Variants in CKAP5 observed in about 807,000 individuals in gnomAD.
CKAP5 encodes the protein cytoskeleton-associated protein 5.
Under a neutral mutation model 232.8 loss-of-function variants are expected in CKAP5, and 27 were observed. The ratio of observed to expected loss-of-function variants is 0.12; its 90% CI spans 0.09 to 0.16. The LOEUF is 0.16. CKAP5 is among the 10% of genes least tolerant of loss of function. The probability of loss-of-function intolerance (pLI) is 1.00; values close to 1 mark genes in which losing one functional copy is unlikely to be tolerated. For synonymous variants in CKAP5, 785 were observed against 841.1 expected (o/e 0.93, Z 1.16); for missense variants, 1,838 against 2,424.7 (o/e 0.76, Z 5.08).
chr11:46,823,593 C>G (rs1939591767), intron 1 of CKAP5, among the ~76,000 whole-genome samples: 1 of 152,056 alleles, frequency 6.6e-6, no homozygotes, highest in Admixed American at 6.5e-5. Context: ...TCCAATTTTT[C>G]TTTTTCATTT....
Position 46,754,984 on chromosome 11 carries a change from C to A in CKAP5, c.4773G>T (p.Gln1591His), listed in dbSNP as rs2065099259. 2 of 1,613,996 alleles carry A rather than the reference C, an allele frequency of 1.2e-6. No homozygotes were observed. The highest frequency in any genetic ancestry group is 8.5e-7 in the Non-Finnish European group (1 of 1,179,948). ...TGTGTGTGTTGTAGATGAGTCTTAG[C>A]TGCATAAAAGTGGCTATCAGAAACT... ...IDQFLIATFM[Q>H]LRLIYNTHMA... Residue 1591 changes from glutamine (Q) to histidine (H), a missense_variant, in exon 36 of 44, where the codon CAG becomes CAT. This residue lies in a region of CKAP5 where 579 missense variants were observed against 843.2 expected (regional missense o/e 0.69). Transcript: ENST00000529230.
chr11:46,756,408 T>C (rs7122604), intron 35 of CKAP5, among the ~76,000 whole-genome samples: 10,595 of 152,180 alleles, frequency 0.07, 1,205 homozygotes, highest in African/African-American at 0.24. Flanking sequence ...AAAAAGTACA[T>C]TACAGAAACG....
At chr11:46,793,124 A>G (rs943863806) in intron 13 of CKAP5, among the ~76,000 whole-genome samples, 1 of 152,234 alleles carries the variant, frequency 6.6e-6, no homozygotes, top group Non-Finnish European at 1.5e-5. Flanking sequence ...TAAACAAAAC[A>G]ATCAAATCAA....
intron 24 of CKAP5, among the ~76,000 whole-genome samples, chr11:46,773,374 G>A (rs1004570691): frequency 2.6e-5 from 4 of 151,532 alleles, no homozygotes; most frequent in African/African-American, 7.3e-5. Flanking sequence ...TCAGCCTCCT[G>A]AGTAGCTGGG....
intron 18 of CKAP5, among the ~76,000 whole-genome samples, chr11:46,780,899 C>T (rs1342120020): frequency 6.6e-6 from 1 of 152,212 alleles, no homozygotes; most frequent in African/African-American, 2.4e-5. Flanking sequence ...GCTGGGATTA[C>T]AGGCATGAGC....
intron 15 of CKAP5, among the ~76,000 whole-genome samples, chr11:46,789,338 C>T (rs531357734): frequency 8.5e-5 from 13 of 152,294 alleles, no homozygotes; most frequent in Admixed American, 8.5e-4. Flanking sequence ...TGCTCCTTTA[C>T]AACACAGGTT....
rs1393955188 is a variant in CKAP5 at position 46,770,017 on chromosome 11, C to T, written c.3268G>A (p.Ala1090Thr). 2 of 1,614,028 alleles carry T rather than the reference C, an allele frequency of 1.2e-6. No individual in the cohort carries two copies. The highest frequency in any genetic ancestry group is 1.3e-5 in the African/African-American group (1 of 74,926). ...GACCCTCCCATTGGTTTAGAAGTTG[C>T]TTTAGTGGGTGGAGCAGGCTTGGCT... Reference protein sequence around the residue: ...MPAKPAPPTKATSKPMGGSAP... With the variant: ...MPAKPAPPTKTTSKPMGGSAP... The change falls in exon 26 of 44, where the codon GCA (alanine) becomes ACA (threonine). Residue 1090 changes from alanine to threonine, a missense_variant. Coordinates refer to ENST00000529230, the MANE Select transcript of CKAP5 (RefSeq NM_001008938.4).
chr11:46,762,495 TCA>T (rs2065164191), intron 31 of CKAP5, 130 bp downstream of exon 31: 2 of 1,143,876 alleles, frequency 1.7e-6, no homozygotes, highest in South Asian at 1.2e-5. Flanking sequence ...CTCATCACTC[TCA>T]CAGTCTAAAT....
At chr11:46,754,809 T>C (rs568749801) in intron 36 of CKAP5, 79 bp downstream of exon 36, 33 of 1,249,904 alleles carry the variant, frequency 2.6e-5, no homozygotes, top group South Asian at 2.3e-4. Context: ...CACTGCAACA[T>C]CTGCATGGAC....
intron 2 of CKAP5, among the ~76,000 whole-genome samples, chr11:46,820,022 C>T (rs1447331190): frequency 6.6e-6 from 1 of 151,964 alleles, no homozygotes; most frequent in African/African-American, 2.4e-5. Flanking sequence ...AGTACCAAAT[C>T]ACACGAGATT....
intron 42 of CKAP5, among the ~76,000 whole-genome samples, chr11:46,745,813 G>T (rs2065018203): frequency 6.6e-6 from 1 of 151,968 alleles, no homozygotes; most frequent in Admixed American, 6.6e-5. Flanking sequence ...TTAGCTGGGG[G>T]TGGTGGCACA....
Position 46,832,970 on chromosome 11 carries a change from T to A in CKAP5, c.-37-11702A>T, listed in dbSNP as rs543282465. On this transcript the variant is annotated intron_variant, in intron 1 of 43. Transcript: ENST00000529230. ...AGAGTTTATCTCAAAAAAAAAAAAA[T>A]TTTTTTTCCCACAAATATTCACATT... Among the ~76,000 whole-genome samples, 176 of 150,586 alleles carry A rather than the reference T, an allele frequency of 1.2e-3. 1 individual carries two copies. The highest frequency in any genetic ancestry group is 5.6e-3 in the Admixed American group (84 of 15,112).
In CKAP5 at chr11:46,750,386, G is replaced by A; in HGVS notation, c.5592C>T (p.Asp1864=). ...AGGAATTTTTCAGAAATGGTTCAAT[G>A]TCAGCATCTGAGTATTTCTTCTTAT... The part of the protein sequence containing the change: ...YEYKKKYSDA[D]IEPFLKNSSQ... Residue 1864 remains aspartate (D), a synonymous_variant, in exon 42 of 44, where the codon GAC becomes GAT. Coordinates refer to ENST00000529230, the MANE Select transcript of CKAP5 (RefSeq NM_001008938.4). 1.2e-6 allele frequency: 2 copies of A among 1,614,098 alleles called. No individual in the cohort carries two copies.
At chr11:46,773,759 G>T (rs1251362946) in intron 24 of CKAP5, among the ~76,000 whole-genome samples, 1 of 150,738 alleles carries the variant, frequency 6.6e-6, no homozygotes, top group East Asian at 2.0e-4. Flanking sequence ...GGGCAGGCTG[G>T]TCTCCAACCC....
intron 2 of CKAP5, among the ~76,000 whole-genome samples, chr11:46,819,976 A>C (rs1221991242): frequency 6.6e-6 from 1 of 152,150 alleles, no homozygotes; most frequent in African/African-American, 2.4e-5. Context: ...AAGTTTCAAA[A>C]ACACACAATA....
Position 46,763,148 on chromosome 11 carries a change from C to A in CKAP5, c.3719G>T (p.Gly1240Val), listed in dbSNP as rs1438213712. 2.5e-6 allele frequency: 4 copies of A among 1,613,378 alleles called. No homozygotes were observed. The highest frequency in any genetic ancestry group is 3.4e-6 in the Non-Finnish European group (4 of 1,179,598). ...CCACTTTAAGATAAGATCCAGGCAACCAATAACTCCTTCTTTTTCACTCTC... is the reference window on the plus strand; with the variant it reads ...CCACTTTAAGATAAGATCCAGGCAAACAATAACTCCTTCTTTTTCACTCTC... ...HLESEKEGVI[G>V]CLDLILKWLT... The change falls in exon 30 of 44, where the codon GGT becomes GTT. Residue 1240 changes from glycine (G) to valine (V), a missense_variant. By Grantham distance (109) the Gly-to-Val change is moderately radical. Coordinates refer to ENST00000529230, the MANE Select transcript of CKAP5 (RefSeq NM_001008938.4).
intron 24 of CKAP5, among the ~76,000 whole-genome samples, chr11:46,772,829 C>T (rs1169065809): frequency 6.6e-6 from 1 of 152,008 alleles, no homozygotes; most frequent in African/African-American, 2.4e-5. Flanking sequence ...GCAACCTCTG[C>T]CTCCCGGGTT....
At chr11:46,804,554 G>A (rs1565744452) in intron 8 of CKAP5, among the ~76,000 whole-genome samples, 1 of 152,078 alleles carries the variant, frequency 6.6e-6, no homozygotes, top group Non-Finnish European at 1.5e-5. Flanking sequence ...ATAAATTGAG[G>A]CCTACAGTAT....
rs1350822578 is a variant in CKAP5 at position 46,751,215 on chromosome 11, G to C, written c.5363C>G (p.Ser1788Cys). ...CCGGCAGAGATGGGCCTCCAGCTCAGACTCGTTTTTGTTGTCGATCATCGT... is the reference window on the plus strand; with the variant it reads ...CCGGCAGAGATGGGCCTCCAGCTCACACTCGTTTTTGTTGTCGATCATCGT... The part of the protein sequence containing the change: ...HLTMIDNKNE[S>C]ELEAHLCRMM... The change falls in exon 40 of 44, where the codon TCT becomes TGT. Residue 1788 changes from serine (S) to cysteine (C), a missense_variant. This residue lies in a region of CKAP5 where 579 missense variants were observed against 843.2 expected (regional missense o/e 0.69). Coordinates refer to ENST00000529230, the MANE Select transcript of CKAP5 (RefSeq NM_001008938.4). The C allele has an allele frequency of 6.2e-7, 1 of 1,614,166 alleles. No individual in the cohort carries two copies.
Sources: gnomAD v4.1 joint callset for allele counts (sites outside exome capture counted in the v4.1 genomes callset) on GRCh38, gnomAD v4.1.1 for gene constraint, gnomAD v4.1.1 regional missense constraint, MANE v1.5 for transcripts, NCBI Gene and HGNC (gene_info 2026-07-23, HGNC 2026-07-21) for gene names.